Variants in PIK3C2G observed in about 807,000 individuals in gnomAD.
PIK3C2G encodes phosphatidylinositol 3-kinase C2 domain-containing subunit gamma.
Under a neutral mutation model 181.1 loss-of-function variants are expected in PIK3C2G, and 168 were observed. The observed-to-expected ratio is 0.93, with a 90% CI of 0.82 to 1.05. The LOEUF (loss-of-function observed/expected upper bound fraction) is 1.05. Among genes scored for constraint, PIK3C2G ranks in the 50% least tolerant of loss-of-function variants. The probability of loss-of-function intolerance (pLI) is 0.00; values close to 1 mark genes in which losing one functional copy is unlikely to be tolerated. For missense variants in PIK3C2G, 1,869 were observed against 1,732.8 expected, an observed-to-expected ratio of 1.08 and a Z score of -1.40; for synonymous variants, 573 against 592.2, an observed-to-expected ratio of 0.97 and a Z score of 0.47.
At chr12:18,531,645 T>C (rs1347704659) in intron 24 of PIK3C2G, among the ~76,000 whole-genome samples, 1 of 152,236 alleles carries the variant, frequency 6.6e-6, no homozygotes, top group East Asian at 1.9e-4. Context: ...ATGCAATTTT[T>C]ATTGATTGGC....
At chr12:18,492,323 A>G (rs1339139388) in intron 20 of PIK3C2G, among the ~76,000 whole-genome samples, 3 of 152,178 alleles carry the variant, frequency 2.0e-5, no homozygotes, top group Admixed American at 6.5e-5. Context: ...GACAGTCAAG[A>G]AAACAAACCC....
rs117535252 is a variant in PIK3C2G at position 18,588,549 on chromosome 12, T to C, written c.4012-5945T>C. 5.8e-3 allele frequency among the ~76,000 whole-genome samples: 879 copies of C among 152,216 alleles called. 2 individuals are homozygous for C. The highest frequency in any genetic ancestry group is 0.01 in the Middle Eastern group (3 of 294). On this transcript the variant is annotated intron_variant, in intron 29 of 32. Coordinates refer to ENST00000538779, the MANE Select transcript of PIK3C2G (RefSeq NM_001288772.2). ...AAATCAAAACCAGTGAGGTACCATC[T>C]TACACCAGTCAGAATAGCTATTATT...
chr12:18,547,606 A>G (rs1435906409), intron 26 of PIK3C2G, among the ~76,000 whole-genome samples: 3 of 152,058 alleles, frequency 2.0e-5, no homozygotes, highest in East Asian at 3.9e-4. Flanking sequence ...ATTGGAAATT[A>G]TATGATATGA....
At chr12:18,551,236 A>G (rs1944712852) in intron 26 of PIK3C2G, among the ~76,000 whole-genome samples, 1 of 152,062 alleles carries the variant, frequency 6.6e-6, no homozygotes, top group Non-Finnish European at 1.5e-5. Context: ...GACACAGTCC[A>G]CTGCAAATTG....
At chr12:18,248,669 C>A (rs1948066654) in intron 1 of PIK3C2G, among the ~76,000 whole-genome samples, 1 of 152,170 alleles carries the variant, frequency 6.6e-6, no homozygotes, top group South Asian at 2.1e-4. Flanking sequence ...TCCTTAAGAT[C>A]ATCATATTTC....
chr12:18,715,495 G>A, the PIK3C2G span, among the ~76,000 whole-genome samples: 5 of 151,336 alleles, frequency 3.3e-5, no homozygotes, highest in East Asian at 5.9e-4. Flanking sequence ...TCCGCCTCCC[G>A]GGTTCACGCC....
chr12:18,388,813 G>A (rs1015468078), intron 14 of PIK3C2G, among the ~76,000 whole-genome samples: 5 of 152,116 alleles, frequency 3.3e-5, no homozygotes, highest in African/African-American at 1.2e-4. Flanking sequence ...GAAGCAAGAT[G>A]GATAAATGGA....
chr12:18,273,988 G>A (rs1489344218), intron 1 of PIK3C2G, among the ~76,000 whole-genome samples: 2 of 152,094 alleles, frequency 1.3e-5, no homozygotes, highest in Non-Finnish European at 2.9e-5. Flanking sequence ...AAAAGTGGGT[G>A]AAGGATATGA....
chr12:18,293,973 A>T lies in PIK3C2G; in HGVS notation c.992A>T (p.Asp331Val). The part of the protein sequence containing the change: ...FCTNDQLLPK[D>V]HILSVCGSEE... The stretch of plus-strand genomic sequence containing the variant: ...ACAAATGACCAGCTACTCCCCAAAG[A>T]TCATATTCTAAGTGTATGTGGCTCT... The change falls in exon 5 of 33, where the codon GAT (aspartate) becomes GTT (valine). Residue 331 changes from aspartate to valine, a missense_variant. By Grantham distance (152) the Asp-to-Val change is radical. Coordinates refer to ENST00000538779, the MANE Select transcript of PIK3C2G (RefSeq NM_001288772.2). 1 of 1,598,998 alleles carries T rather than the reference A, an allele frequency of 6.3e-7. No individual in the cohort carries two copies. The highest frequency in any genetic ancestry group is 2.2e-5 in the East Asian group (1 of 44,704).
Position 18,640,484 on chromosome 12 carries a change from A to G in PIK3C2G, c.4238A>G (p.Tyr1413Cys), listed in dbSNP as rs527467030. ...SAHVEFYLLP[Y>C]PSEVRRRKTK... Reference sequence around the variant, plus strand: ...CATGTTGAATTTTATCTTTTACCATATCCCAGTGAAGTTCGTAGGAGGAAA... The same window carrying G: ...CATGTTGAATTTTATCTTTTACCATGTCCCAGTGAAGTTCGTAGGAGGAAA... The change falls in exon 32 of 33, where the codon TAT (tyrosine) becomes TGT (cysteine). Residue 1413 changes from tyrosine to cysteine, a missense_variant. Tyr to Cys is a radical substitution (Grantham distance 194, BLOSUM62 -2). Coordinates refer to ENST00000538779, the MANE Select transcript of PIK3C2G (RefSeq NM_001288772.2). The G allele has an allele frequency of 6.2e-7, 1 of 1,608,912 alleles. No homozygotes were observed. Among genetic ancestry groups the G allele is most frequent in the East Asian group, 2.2e-5 (1 of 44,672 alleles).
chr12:18,268,487 TA>T (rs1948605293), intron 1 of PIK3C2G, among the ~76,000 whole-genome samples: 2 of 152,150 alleles, frequency 1.3e-5, no homozygotes, highest in African/African-American at 4.8e-5. Flanking sequence ...TCATAATTTG[TA>T]ACCTTTTTCA....
intron 7 of PIK3C2G, among the ~76,000 whole-genome samples, chr12:18,322,149 C>A (rs1951141449): frequency 6.6e-6 from 1 of 152,082 alleles, no homozygotes; most frequent in Non-Finnish European, 1.5e-5. Context: ...CTTTAGGAGG[C>A]CTAGGCGGGC....
intron 29 of PIK3C2G, among the ~76,000 whole-genome samples, chr12:18,590,016 A>G (rs1277482242): frequency 6.6e-6 from 1 of 151,856 alleles, no homozygotes; most frequent in African/African-American, 2.4e-5. Flanking sequence ...TGGACTTGGT[A>G]ACCACACAGT....
intron 4 of PIK3C2G, among the ~76,000 whole-genome samples, chr12:18,292,228 ATAT>A (rs1378682793): frequency 0.018 from 519 of 28,562 alleles, 14 homozygotes; most frequent in African/African-American, 0.057. Flanking sequence ...AAAAAAAAAA[ATAT>A]ATATATATAT....
At chr12:18,254,490 T>C (rs1032049966) in intron 1 of PIK3C2G, among the ~76,000 whole-genome samples, 7 of 152,068 alleles carry the variant, frequency 4.6e-5, no homozygotes, top group Admixed American at 3.3e-4. Context: ...TTTATTATAA[T>C]TTTTTAATAT....
intron 5 of PIK3C2G, 120 bp downstream of exon 5, chr12:18,294,135 A>G (rs1034314452): frequency 1.8e-6 from 1 of 568,232 alleles, no homozygotes; most frequent in Non-Finnish European, 3.1e-6. Flanking sequence ...AATTAAATCA[A>G]TTTTACCCCC....
chr12:18,559,347 T>C (rs1024171242), intron 26 of PIK3C2G, among the ~76,000 whole-genome samples: 6 of 151,938 alleles, frequency 3.9e-5, no homozygotes, highest in Non-Finnish European at 7.4e-5. Context: ...TAAAAGCAGG[T>C]GGAGGCAAAC....
At chr12:18,447,014 A>G (rs1311993145) in intron 18 of PIK3C2G, among the ~76,000 whole-genome samples, 1 of 152,188 alleles carries the variant, frequency 6.6e-6, no homozygotes, top group African/African-American at 2.4e-5. Context: ...ATAGGTGGTG[A>G]TCTTATACTT....
chr12:18,654,350 T>C, the PIK3C2G span, among the ~76,000 whole-genome samples: 9 of 150,442 alleles, frequency 6.0e-5, no homozygotes, highest in Admixed American at 5.9e-4. Flanking sequence ...GGAGAGCAGA[T>C]ATAATGATTT....
Sources: allele counts gnomAD v4.1 joint callset (sites outside exome capture counted in the v4.1 genomes callset), GRCh38; gene constraint gnomAD v4.1.1; transcripts MANE v1.5; gene names NCBI Gene and HGNC (gene_info 2026-07-23, HGNC 2026-07-21).